CHIC2: variants seen among roughly 807,000 people sequenced by gnomAD.
The protein encoded by CHIC2 is cysteine rich hydrophobic domain 2.
In CHIC2, 14 loss-of-function variants were observed where a neutral mutation model predicts 25.9. That is an observed-to-expected ratio of 0.54 (90% CI 0.36 to 0.85). The LOEUF (loss-of-function observed/expected upper bound fraction) is 0.85. Among genes scored for constraint, CHIC2 ranks in the 40% least tolerant of loss-of-function variants. CHIC2 has a pLI of 0.01. For missense variants in CHIC2, 146 were observed against 202.0 expected, an observed-to-expected ratio of 0.72 and a Z score of 1.68; for synonymous variants, 70 against 72.0, an observed-to-expected ratio of 0.97 and a Z score of 0.14.
chr4:54,036,475 G>A (rs754216891), intron 3 of CHIC2, among the ~76,000 whole-genome samples: 5 of 152,116 alleles, frequency 3.3e-5, no homozygotes, highest in East Asian at 3.8e-4. Context: ...CAGGAGCAAC[G>A]GGGTTGGGGG....
chr4:54,068,427 G>A (rs535906994), upstream of CHIC2, among the ~76,000 whole-genome samples: 25 of 152,204 alleles, frequency 1.6e-4, no homozygotes, highest in African/African-American at 5.5e-4. Context: ...CAAGGACGAA[G>A]CCCCTCACCA....
At chr4:54,032,382 C>T (rs973474184) in intron 3 of CHIC2, among the ~76,000 whole-genome samples, 4 of 148,172 alleles carry the variant, frequency 2.7e-5, no homozygotes, top group African/African-American at 1.0e-4. Context: ...TCTCCTGCCT[C>T]AGCCTGCCGA....
At chr4:54,082,088 T>C in the CHIC2 span, among the ~76,000 whole-genome samples, 3 of 152,230 alleles carry the variant, frequency 2.0e-5, no homozygotes, top group Admixed American at 2.0e-4. Flanking sequence ...GGTAAGGAAG[T>C]GACTGATGGA....
the CHIC2 span, among the ~76,000 whole-genome samples, chr4:54,075,015 G>GT: frequency 2.0e-5 from 3 of 152,300 alleles, no homozygotes; most frequent in Non-Finnish European, 4.4e-5. Flanking sequence ...GGAGGCTGAG[G>GT]TGGGAGGATC....
the CHIC2 span, among the ~76,000 whole-genome samples, chr4:54,074,495 T>C: frequency 5.3e-5 from 8 of 152,176 alleles, no homozygotes; most frequent in South Asian, 1.7e-3. Flanking sequence ...CATGTTGGCC[T>C]TCTCACTTAA....
chr4:54,014,540 T>C (rs910048222), intron 3 of CHIC2, among the ~76,000 whole-genome samples: 2 of 152,024 alleles, frequency 1.3e-5, no homozygotes, highest in Non-Finnish European at 2.9e-5. Flanking sequence ...AACAAAAAAT[T>C]GGAATATTAA....
chr4:54,045,472 C>T (rs1157867021), intron 3 of CHIC2, among the ~76,000 whole-genome samples: 1 of 152,144 alleles, frequency 6.6e-6, no homozygotes, highest in East Asian at 1.9e-4. Flanking sequence ...GGCTTCATCC[C>T]TGGGATGCAA....
the CHIC2 span, among the ~76,000 whole-genome samples, chr4:54,075,700 C>A: frequency 7.9e-5 from 12 of 152,072 alleles, no homozygotes; most frequent in African/African-American, 2.9e-4. Context: ...ATTACAGGCA[C>A]CTGCCACCAT....
intron 3 of CHIC2, among the ~76,000 whole-genome samples, chr4:54,040,292 C>T (rs1334986299): frequency 1.3e-5 from 2 of 152,172 alleles, no homozygotes; most frequent in African/African-American, 2.4e-5. Context: ...ACATGCTGGG[C>T]GCAGTGGCTC....
At chr4:54,058,638 G>A (rs562048262) in intron 1 of CHIC2, among the ~76,000 whole-genome samples, 322 of 151,334 alleles carry the variant, frequency 2.1e-3, no homozygotes, top group Non-Finnish European at 2.4e-3. Context: ...AAGAGCATCT[G>A]TTGCTACATG....
At chr4:54,010,986 C>A (rs1362408536) in intron 5 of CHIC2, among the ~76,000 whole-genome samples, 1 of 152,088 alleles carries the variant, frequency 6.6e-6, no homozygotes, top group Admixed American at 6.6e-5. Context: ...CAGAATTACA[C>A]AAAGTGACCA....
the CHIC2 span, among the ~76,000 whole-genome samples, chr4:54,090,879 C>G: frequency 6.6e-6 from 1 of 151,918 alleles, no homozygotes; most frequent in African/African-American, 2.4e-5. Flanking sequence ...TCTCCATGCC[C>G]CTCTGCTTGA....
chr4:54,022,451 T>C (rs540711301), intron 3 of CHIC2, among the ~76,000 whole-genome samples: 9 of 152,256 alleles, frequency 5.9e-5, no homozygotes, highest in Admixed American at 3.9e-4. Context: ...GTTGTGGGTA[T>C]TGATGGCCAG....
At chr4:54,052,810 G>C (rs1185877364) in intron 1 of CHIC2, among the ~76,000 whole-genome samples, 1 of 152,112 alleles carries the variant, frequency 6.6e-6, no homozygotes, top group East Asian at 1.9e-4. Flanking sequence ...ATTTGGCATT[G>C]AAAATATTTA....
the CHIC2 span, among the ~76,000 whole-genome samples, chr4:54,077,084 G>A: frequency 6.6e-6 from 1 of 152,100 alleles, no homozygotes. Context: ...GTTGTTGGGA[G>A]GATTAAAATG....
intron 3 of CHIC2, among the ~76,000 whole-genome samples, chr4:54,019,100 A>G (rs1275245389): frequency 1.3e-5 from 2 of 151,984 alleles, no homozygotes; most frequent in Non-Finnish European, 1.5e-5. Flanking sequence ...TTATTTTAAC[A>G]TAAGAGAACT....
chr4:54,019,776 C>T (rs1022386957), intron 3 of CHIC2, among the ~76,000 whole-genome samples: 5 of 152,082 alleles, frequency 3.3e-5, no homozygotes, highest in African/African-American at 7.2e-5. Context: ...TCATCCCACT[C>T]GGTCTCAAAG....
At chr4:54,068,387 C>A (rs144928047), upstream of CHIC2, among the ~76,000 whole-genome samples, 1 of 152,090 alleles carries the variant, frequency 6.6e-6, no homozygotes. Context: ...CTTCCACTAT[C>A]TTAGAACACA....
At chr4:54,014,626 TA>T (rs1176159028) in intron 3 of CHIC2, among the ~76,000 whole-genome samples, 1 of 151,918 alleles carries the variant, frequency 6.6e-6, no homozygotes, top group Non-Finnish European at 1.5e-5. Flanking sequence ...AAAGCCAGCT[TA>T]CTGATTATTC....
Sources: gnomAD v4.1 joint callset for allele counts (sites outside exome capture counted in the v4.1 genomes callset) on GRCh38, gnomAD v4.1.1 for gene constraint, MANE v1.5 for transcripts, NCBI Gene and HGNC (gene_info 2026-07-23, HGNC 2026-07-21) for gene names.